SHISA9: variants seen among roughly 807,000 people sequenced by gnomAD.
The protein encoded by SHISA9 is shisa family member 9.
In SHISA9, 13 loss-of-function variants were observed where a neutral mutation model predicts 38.0. That is an observed-to-expected ratio of 0.34 (90% confidence interval 0.22 to 0.54). The LOEUF is 0.54. Ranked by LOEUF, SHISA9 falls within the 20% of genes least tolerant of loss-of-function variation. The probability of loss-of-function intolerance (pLI) is 0.91; values close to 1 mark genes in which losing one functional copy is unlikely to be tolerated. For missense variants in SHISA9, 538 were observed against 575.8 expected, an observed-to-expected ratio of 0.93 and a Z score of 0.67; for synonymous variants, 275 against 242.0, an observed-to-expected ratio of 1.14 and a Z score of -1.27.
At chr16:13,318,609 C>T in the SHISA9 span, among the ~76,000 whole-genome samples, 1 of 152,124 alleles carries the variant, frequency 6.6e-6, no homozygotes, top group Non-Finnish European at 1.5e-5. Context: ...TTGGGAGCCA[C>T]CGTGCCTGGC....
the SHISA9 span, among the ~76,000 whole-genome samples, chr16:13,375,147 T>C: frequency 4.9e-4 from 74 of 152,338 alleles, no homozygotes; most frequent in African/African-American, 1.7e-3. Flanking sequence ...TGGTAGTTTC[T>C]TTTGCTGTGC....
the SHISA9 span, among the ~76,000 whole-genome samples, chr16:13,541,198 A>G: frequency 1.3e-5 from 2 of 152,166 alleles, no homozygotes; most frequent in African/African-American, 4.8e-5. Flanking sequence ...CTCAGAGAGT[A>G]AAGGTTATTG....
At chr16:13,242,730 T>C (rs2051444178), downstream of SHISA9, among the ~76,000 whole-genome samples, 1 of 152,224 alleles carries the variant, frequency 6.6e-6, no homozygotes. Flanking sequence ...TCAACCCTGC[T>C]CTCTGACTGG....
At chr16:13,525,197 A>G in the SHISA9 span, among the ~76,000 whole-genome samples, 1 of 152,222 alleles carries the variant, frequency 6.6e-6, no homozygotes, top group African/African-American at 2.4e-5. Flanking sequence ...TAGCCTGGGA[A>G]CCACCCTTTG....
the SHISA9 span, among the ~76,000 whole-genome samples, chr16:13,318,094 A>C: frequency 3.7e-4 from 56 of 151,614 alleles, no homozygotes; most frequent in Non-Finnish European, 7.2e-4. Flanking sequence ...TGTATCATTC[A>C]TGAATTTATG....
chr16:13,262,631 T>TTGAA, the SHISA9 span, among the ~76,000 whole-genome samples: 1 of 77,948 alleles, frequency 1.3e-5, no homozygotes, highest in African/African-American at 5.7e-5. Context: ...ATTGTTATTG[T>TTGAA]GGAAGGAAGG....
chr16:13,152,814 T>C (rs1238655031), intron 2 of SHISA9, among the ~76,000 whole-genome samples: 1 of 152,160 alleles, frequency 6.6e-6, no homozygotes, highest in Non-Finnish European at 1.5e-5. Flanking sequence ...TCCTAATAAT[T>C]GGAAACTACA....
At chr16:13,031,734 G>T (rs147159297) in intron 2 of SHISA9, among the ~76,000 whole-genome samples, 93 of 152,308 alleles carry the variant, frequency 6.1e-4, no homozygotes, top group Non-Finnish European at 9.6e-4. Flanking sequence ...ATATGAGACA[G>T]TTCTGTTACA....
chr16:13,515,269 G>A, the SHISA9 span, among the ~76,000 whole-genome samples: 1 of 152,086 alleles, frequency 6.6e-6, no homozygotes, highest in African/African-American at 2.4e-5. Flanking sequence ...TTCAGCAGAA[G>A]TAGAATGACA....
At chr16:13,145,401 C>T (rs993941903) in intron 2 of SHISA9, among the ~76,000 whole-genome samples, 3 of 152,074 alleles carry the variant, frequency 2.0e-5, no homozygotes, top group East Asian at 3.9e-4. Context: ...GTGGTAGGCA[C>T]CTTTAATCCC....
intron 3 of SHISA9, among the ~76,000 whole-genome samples, chr16:13,204,326 G>T (rs937377398): frequency 2.6e-5 from 4 of 152,030 alleles, no homozygotes; most frequent in Non-Finnish European, 5.9e-5. Context: ...CTCTGACCTA[G>T]AACAAGTTCT....
At chr16:13,116,832 G>C (rs772038503) in intron 2 of SHISA9, among the ~76,000 whole-genome samples, 8 of 152,168 alleles carry the variant, frequency 5.3e-5, no homozygotes, top group Non-Finnish European at 7.3e-5. Flanking sequence ...GGACTGGTAG[G>C]ACAGCATTAT....
chr16:13,428,773 GTTT>G, the SHISA9 span, among the ~76,000 whole-genome samples: 1 of 145,330 alleles, frequency 6.9e-6, no homozygotes, highest in African/African-American at 2.6e-5. Context: ...TTGTTTTATT[GTTT>G]TTTTTTTTTT....
chr16:13,058,482 A>G (rs1345922961), intron 2 of SHISA9, among the ~76,000 whole-genome samples: 12 of 152,084 alleles, frequency 7.9e-5, no homozygotes, highest in Admixed American at 7.2e-4. Context: ...ATTTACTCCC[A>G]CAACTACCAT....
chr16:13,145,081 G>C (rs2050435295), intron 2 of SHISA9, among the ~76,000 whole-genome samples: 1 of 152,198 alleles, frequency 6.6e-6, no homozygotes, highest in African/African-American at 2.4e-5. Flanking sequence ...TGCTTCCCAT[G>C]TGTTCCTTGC....
chr16:13,113,158 C>T (rs930843485), intron 2 of SHISA9, among the ~76,000 whole-genome samples: 14 of 132,248 alleles, frequency 1.1e-4, no homozygotes, highest in African/African-American at 3.8e-4. Context: ...TGCAGTGAGC[C>T]AAGATCATCC....
chr16:13,267,300 T>C, the SHISA9 span, among the ~76,000 whole-genome samples: 1 of 152,198 alleles, frequency 6.6e-6, no homozygotes, highest in East Asian at 1.9e-4. Flanking sequence ...TGGGAACATA[T>C]TCAACCTTAA....
At chr16:13,013,028 G>A (rs964743839) in intron 2 of SHISA9, among the ~76,000 whole-genome samples, 3 of 152,008 alleles carry the variant, frequency 2.0e-5, no homozygotes, top group South Asian at 2.1e-4. Flanking sequence ...CCTGCTGCCT[G>A]TCTCTCTCTC....
At chr16:12,903,840 G>A (rs974443553) in intron 1 of SHISA9, among the ~76,000 whole-genome samples, 3 of 152,214 alleles carry the variant, frequency 2.0e-5, no homozygotes, top group African/African-American at 7.2e-5. Context: ...TCCGTGTGAT[G>A]CCTAAAAAAT....
Sources: allele counts gnomAD v4.1 joint callset (sites outside exome capture counted in the v4.1 genomes callset), GRCh38; gene constraint gnomAD v4.1.1; transcripts MANE v1.5; gene names NCBI Gene and HGNC (gene_info 2026-07-23, HGNC 2026-07-21).